The following CDH13 variants were observed in gnomAD, a reference collection of about 807,000 sequenced individuals.
The protein encoded by CDH13 is cadherin 13, also known as cadherin-13.
A neutral mutation model predicts 63.8 loss-of-function variants in CDH13; 24 were observed. The ratio of observed to expected loss-of-function variants is 0.38; its 90% confidence interval spans 0.27 to 0.53. The LOEUF (loss-of-function observed/expected upper bound fraction) is 0.53, where lower values mean the gene tolerates loss of function less well. Ranked by LOEUF, CDH13 falls within the 20% of genes least tolerant of loss-of-function variation. CDH13 has a pLI of 0.85. For missense variants in CDH13, 1,049 were observed against 903.1 expected (o/e 1.16, Z -2.07); for synonymous variants, 503 against 355.3 (o/e 1.42, Z -4.67).
chr16:83,074,434 C>T (rs368534770), intron 3 of CDH13, among the ~76,000 whole-genome samples: 2 of 152,250 alleles, frequency 1.3e-5, no homozygotes, highest in South Asian at 2.1e-4. Context: ...TCTTTGCTAT[C>T]GTAGATAGTG....
At chr16:82,829,460 C>G (rs575510572) in intron 1 of CDH13, 1 of 152,078 alleles carries the variant, frequency 6.6e-6, no homozygotes, top group Non-Finnish European at 1.5e-5. Context: ...TATCCCATTT[C>G]TGTTTTCACG....
At chr16:83,322,172 G>T (rs1050273986) in intron 5 of CDH13, among the ~76,000 whole-genome samples, 10 of 152,156 alleles carry the variant, frequency 6.6e-5, no homozygotes, top group African/African-American at 2.4e-4. Context: ...GGGAAACTGA[G>T]GCCTCCAGCT....
chr16:82,725,119 G>C (rs2033019995), intron 1 of CDH13, among the ~76,000 whole-genome samples: 2 of 134,276 alleles, frequency 1.5e-5, no homozygotes, highest in African/African-American at 2.8e-5. Flanking sequence ...GATGGTGATG[G>C]TGATGTTGAT....
chr16:83,358,360 AC>A (rs1293697731), intron 6 of CDH13, among the ~76,000 whole-genome samples: 1 of 152,180 alleles, frequency 6.6e-6, no homozygotes, highest in African/African-American at 2.4e-5. Context: ...TCAAGCAGCC[AC>A]CTTGCTCTGT....
At chr16:83,004,768 C>T (rs111631722) in intron 2 of CDH13, among the ~76,000 whole-genome samples, 2 of 152,312 alleles carry the variant, frequency 1.3e-5, no homozygotes, top group South Asian at 2.1e-4. Context: ...GCTGGGATTA[C>T]AGGAGTGAGC....
intron 1 of CDH13, among the ~76,000 whole-genome samples, chr16:82,779,626 C>A (rs1184503721): frequency 1.3e-5 from 2 of 152,156 alleles, no homozygotes; most frequent in Admixed American, 1.3e-4. Context: ...TTTAAACAAA[C>A]CTCATAATTT....
chr16:83,565,618 G>T (rs1240105143), intron 7 of CDH13, among the ~76,000 whole-genome samples: 1 of 151,976 alleles, frequency 6.6e-6, no homozygotes. Context: ...GAAGGTGATG[G>T]ATTTTCATCT....
intron 5 of CDH13, among the ~76,000 whole-genome samples, chr16:83,279,703 C>G (rs867019246): frequency 1.3e-5 from 2 of 152,260 alleles, no homozygotes; most frequent in Middle Eastern, 3.4e-3. Flanking sequence ...ACACACATTT[C>G]TAGATGGATA....
chr16:82,989,364 C>G (rs2083228306), intron 2 of CDH13, among the ~76,000 whole-genome samples: 1 of 152,144 alleles, frequency 6.6e-6, no homozygotes, highest in African/African-American at 2.4e-5. Flanking sequence ...TGAATCTTAG[C>G]TGACTGTGGA....
intron 1 of CDH13, among the ~76,000 whole-genome samples, chr16:82,642,589 A>G (rs371991665): frequency 1.8e-4 from 27 of 152,206 alleles, no homozygotes; most frequent in African/African-American, 5.3e-4. Flanking sequence ...TAATCATACA[A>G]TCTCCACCAG....
At chr16:82,648,929 A>G (rs1032494375) in intron 1 of CDH13, among the ~76,000 whole-genome samples, 3 of 152,210 alleles carry the variant, frequency 2.0e-5, no homozygotes, top group African/African-American at 7.2e-5. Context: ...GAAAGCTTGT[A>G]TGAGTTACTG....
chr16:83,415,927 C>A (rs2092194240), intron 6 of CDH13, among the ~76,000 whole-genome samples: 1 of 151,986 alleles, frequency 6.6e-6, no homozygotes, highest in African/African-American at 2.4e-5. Context: ...GAAATAGAAA[C>A]AAAAGGGATC....
chr16:83,381,787 A>C (rs1454666752), intron 6 of CDH13, among the ~76,000 whole-genome samples: 1 of 152,152 alleles, frequency 6.6e-6, no homozygotes, highest in Admixed American at 6.5e-5. Context: ...GTATTTTTCA[A>C]CTGAATGCAG....
At chr16:83,791,661 A>G (rs1000299838) in intron 13 of CDH13, among the ~76,000 whole-genome samples, 1 of 151,486 alleles carries the variant, frequency 6.6e-6, no homozygotes, top group Admixed American at 6.6e-5. Context: ...AAATACAAAA[A>G]TTAGCTGGGT....
chr16:83,126,441 A>T (rs1332033319), intron 4 of CDH13, among the ~76,000 whole-genome samples: 3 of 152,172 alleles, frequency 2.0e-5, no homozygotes, highest in African/African-American at 7.2e-5. Flanking sequence ...ATGTTTGGGC[A>T]TGTCAGGGCA....
chr16:83,602,433 C>A (rs759827457), intron 7 of CDH13, 21 bp from the exon 8 acceptor site: 7 of 1,613,620 alleles, frequency 4.3e-6, no homozygotes, highest in African/African-American at 2.7e-5. Flanking sequence ...CATATTATTT[C>A]TTTGTGCTTG....
intron 6 of CDH13, among the ~76,000 whole-genome samples, chr16:83,395,185 G>T (rs1478237673): frequency 6.6e-6 from 1 of 150,422 alleles, no homozygotes; most frequent in African/African-American, 2.4e-5. Context: ...GTGGTGGCAT[G>T]TGCCTGTAAT....
In CDH13 at chr16:83,135,617, G is replaced by C. The variant is rs1189748997; in HGVS notation, c.483+10116G>C. ...AAGCCACTATGGAAAACAGTGTGGA[G>C]ATTCCTGAAAGAACTAAAACTAGAA... is the stretch of plus-strand genomic sequence containing the variant. On this transcript the variant is annotated intron_variant, in intron 4 of 13. Transcript: ENST00000567109. Among the ~76,000 whole-genome samples, 4 of 152,212 alleles carry C rather than the reference G, an allele frequency of 2.6e-5. No homozygotes were observed. The South Asian group carries it at 8.3e-4, about 32-fold the overall frequency.
intron 3 of CDH13, among the ~76,000 whole-genome samples, chr16:83,071,712 T>C (rs1369697719): frequency 6.6e-6 from 1 of 152,144 alleles, no homozygotes; most frequent in Non-Finnish European, 1.5e-5. Flanking sequence ...GAGAAGACTA[T>C]GTGGAGAAAA....
Sources: allele counts gnomAD v4.1 joint callset (sites outside exome capture counted in the v4.1 genomes callset), GRCh38; gene constraint gnomAD v4.1.1; transcripts MANE v1.5; gene names NCBI Gene and HGNC (gene_info 2026-07-23, HGNC 2026-07-21).